ZNF737: variants seen among roughly 807,000 people sequenced by gnomAD.
ZNF737 encodes the protein zinc finger protein 737, also known as zinc finger protein 102 (Y3).
A neutral mutation model predicts 11.7 loss-of-function variants in ZNF737; 13 were observed. The ratio of observed to expected loss-of-function variants is 1.11; its 90% CI spans 0.73 to 1.77. The LOEUF (loss-of-function observed/expected upper bound fraction) is 1.77, where lower values mean the gene tolerates loss of function less well. ZNF737 is among the 40% of genes most tolerant of loss of function. The pLI is 0.00. For missense variants in ZNF737, 636 were observed against 638.0 expected, an observed-to-expected ratio of 1.00 and a Z score of 0.03; for synonymous variants, 217 against 216.2, an observed-to-expected ratio of 1.00 and a Z score of -0.03.
At chr19:20,548,089 C>A (rs1211222841) in intron 3 of ZNF737, among the ~76,000 whole-genome samples, 3 of 151,994 alleles carry the variant, frequency 2.0e-5, no homozygotes, top group African/African-American at 7.3e-5. Context: ...TTGCAGTGAG[C>A]CGAAATCGTG....
chr19:20,533,394 C>A (rs1967876899), downstream of ZNF737, among the ~76,000 whole-genome samples: 1 of 149,622 alleles, frequency 6.7e-6, no homozygotes, highest in Non-Finnish European at 1.5e-5. Context: ...AAAGATTGTT[C>A]CAGCTTCATA....
rs1310449287 is a variant in ZNF737, at chr19:20,554,729, A to C, written c.4-894T>G. Among the ~76,000 whole-genome samples the C allele has an allele frequency of 2.6e-5, 4 of 151,978 alleles. No homozygotes were observed. The East Asian group carries it at 7.7e-4, about 29-fold the overall frequency. ...TTATGCAAACCTCAAAATACAGATA[A>C]CTCCTGTGTTCTGTAATTTTTAGTA... is the stretch of plus-strand genomic sequence containing the variant. On this transcript the variant is annotated intron_variant, in intron 1 of 3. Transcript: ENST00000427401.
At position 20,541,986 on chromosome 19, in the gene ZNF737, A is replaced by C. The variant is rs1203372055; in HGVS notation, c.*2606T>G. The stretch of plus-strand genomic sequence containing the variant: ...CCCACGAATACAAATAAAAAATTTA[A>C]ATAATAAAGAGTCAAAATTTAATCT... On this transcript the variant is annotated 3_prime_UTR_variant, in exon 4 of 4. Transcript: ENST00000427401. The C allele has an allele frequency of 2.0e-6, 2 of 976,008 alleles. No homozygotes were observed. Among genetic ancestry groups the C allele is most frequent in the East Asian group, 2.3e-4 (2 of 8,752 alleles). The allele number at this position is 976,008 out of a possible 1,614,324, so 60.5% of individuals were successfully genotyped here.
At chr19:20,563,289 C>G (rs1969172953) in intron 1 of ZNF737, among the ~76,000 whole-genome samples, 1 of 148,918 alleles carries the variant, frequency 6.7e-6, no homozygotes. Context: ...GGGACATGTG[C>G]AGGGGAGGCT....
chr19:20,530,401 C>CG, the ZNF737 span, among the ~76,000 whole-genome samples: 4 of 143,718 alleles, frequency 2.8e-5, no homozygotes, highest in African/African-American at 7.8e-5. Context: ...ACTGGCCTGA[C>CG]GGGGGCTGAC....
In ZNF737 at chr19:20,543,981, A is replaced by AGC. The variant is rs1555755737; in HGVS notation, c.*609_*610dup. On this transcript the variant is annotated 3_prime_UTR_variant, in exon 4 of 4. Transcript: ENST00000427401. Reference sequence around the variant, plus strand: ...CATCTCTACTAAAAATAAAAAAATTAGCTGGGCATGTTGGAGGACACCTGT... The same window carrying AGC: ...CATCTCTACTAAAAATAAAAAAATTAGCGCTGGGCATGTTGGAGGACACCTGT... 1.6e-6 allele frequency: 1 copy of AGC among 632,332 alleles called. No individual in the cohort carries two copies. The highest frequency in any genetic ancestry group is 2.0e-5 in the African/African-American group (1 of 49,920). 39.2% of individuals were successfully genotyped at this position (632,332 alleles called of 1,614,324 possible).
chr19:20,556,884 TG>T (rs1968908930), intron 1 of ZNF737, among the ~76,000 whole-genome samples: 1 of 152,202 alleles, frequency 6.6e-6, no homozygotes, highest in Non-Finnish European at 1.5e-5. Flanking sequence ...ACACATTAGG[TG>T]ATTTAATTCT....
rs1968240902 is a variant in ZNF737 at position 20,542,280 on chromosome 19, G to A, written c.*2312C>T. On this transcript the variant is annotated 3_prime_UTR_variant, in exon 4 of 4. Transcript: ENST00000427401. Reference sequence around the variant, plus strand: ...TTTTGCTCTTGTTGCCCAGACTGGAGTGCAATCGCACAATCTTGCCCCACT... The same window carrying A: ...TTTTGCTCTTGTTGCCCAGACTGGAATGCAATCGCACAATCTTGCCCCACT... The A allele has an allele frequency of 1.3e-6, 1 of 785,236 alleles. No homozygotes were observed. The highest frequency in any genetic ancestry group is 5.8e-5 in the South Asian group (1 of 17,106). 48.6% of individuals were successfully genotyped at this position (785,236 alleles called of 1,614,324 possible).
At chr19:20,549,949 T>C (rs893493835) in intron 3 of ZNF737, among the ~76,000 whole-genome samples, 1 of 142,494 alleles carries the variant, frequency 7.0e-6, no homozygotes, top group Non-Finnish European at 1.5e-5. Context: ...AAAAAAAAAA[T>C]TCTAGATAAC....
At chr19:20,537,774 CA>C (rs1262001995), downstream of ZNF737, among the ~76,000 whole-genome samples, 3 of 152,102 alleles carry the variant, frequency 2.0e-5, no homozygotes, top group Non-Finnish European at 2.9e-5. Flanking sequence ...CTCGGCCTCC[CA>C]AAGTGCTGGG....
At position 20,541,488 on chromosome 19, in the gene ZNF737, C is replaced by T. The variant is rs1968204903; in HGVS notation, c.*3104G>A. ...TTGAGATGGAGACTCACTCTGTCAG[C>T]CAGGCTGGAGTGCAGTGGCATGATC... On this transcript the variant is annotated 3_prime_UTR_variant, in exon 4 of 4. Coordinates refer to ENST00000427401, the MANE Select transcript of ZNF737 (RefSeq NM_001159293.2). 1.2e-6 allele frequency: 1 copy of T among 841,510 alleles called. No individual in the cohort carries two copies. Among genetic ancestry groups the T allele is most frequent in the Non-Finnish European group, 1.4e-6 (1 of 699,112 alleles). The allele number at this position is 841,510 out of a possible 1,614,324, so 52.1% of individuals were successfully genotyped here. A position where few individuals can be genotyped will look rare whatever the true frequency, so the allele number is the denominator to read the frequency against.
rs1491170549 is a variant in ZNF737, at chr19:20,548,980, A to AAAAAAAAC, written c.227-3005_227-3004insGTTTTTTT. Among the ~76,000 whole-genome samples the AAAAAAAAC allele has an allele frequency of 8.0e-3, 533 of 66,470 alleles. 6 individuals are homozygous for AAAAAAAAC. Among genetic ancestry groups the AAAAAAAAC allele is most frequent in the Admixed American group, 0.011 (61 of 5,310 alleles). 43.6% of individuals were successfully genotyped at this position (66,470 alleles called of 152,430 possible). On this transcript the variant is annotated intron_variant, in intron 3 of 3. Transcript: ENST00000427401. ...AAAAACTGAAAAAAAAAAAAAAAAA[A>AAAAAAAAC]CAATTATGTATCTTTTTGAAATTTA...
Position 20,538,390 on chromosome 19 carries a change from C to T in ZNF737, c.*6202G>A, listed in dbSNP as rs2144574334. On this transcript the variant is annotated 3_prime_UTR_variant, in exon 4 of 4. Transcript: ENST00000427401. ...TTCCTCCTTCCTTTGTTCTCCTCTGCCTTTGTCTCTTTTAAAAAGTTCTAA... is the reference window on the plus strand; with the variant it reads ...TTCCTCCTTCCTTTGTTCTCCTCTGTCTTTGTCTCTTTTAAAAAGTTCTAA... 6.6e-6 allele frequency among the ~76,000 whole-genome samples: 1 copy of T among 152,282 alleles called. No individual in the cohort carries two copies. The highest frequency in any genetic ancestry group is 1.9e-4 in the East Asian group (1 of 5,180).
At chr19:20,533,755 TG>T (rs1315407272), downstream of ZNF737, among the ~76,000 whole-genome samples, 1 of 150,162 alleles carries the variant, frequency 6.7e-6, no homozygotes, top group African/African-American at 2.5e-5. Context: ...TTTACCATTT[TG>T]GGCATACCTG....
intron 1 of ZNF737, among the ~76,000 whole-genome samples, chr19:20,563,061 AT>A (rs370945814): frequency 2.8e-4 from 41 of 149,074 alleles, no homozygotes; most frequent in Non-Finnish European, 5.3e-4. Context: ...TGCTGTTGCA[AT>A]TTTTTTTGGA....
chr19:20,538,149 T>A lies in ZNF737; in HGVS notation c.*6443A>T, dbSNP rs1221946147. ...CCTAATTATGAATAGTAACTTCTCT[T>A]AGAAGCAAAGTTTATTCAAAGACCT... On this transcript the variant is annotated 3_prime_UTR_variant, in exon 4 of 4. Transcript: ENST00000427401. 1.2e-5 allele frequency: 5 copies of A among 414,682 alleles called. No individual in the cohort carries two copies. The highest frequency in any genetic ancestry group is 1.6e-5 in the Non-Finnish European group (5 of 308,470). The allele number at this position is 414,682 out of a possible 1,614,324, so 25.7% of individuals were successfully genotyped here.
rs577474228 is a variant in ZNF737, at chr19:20,543,284, G to T, written c.*1308C>A. The T allele has an allele frequency of 5.0e-5, 49 of 985,496 alleles. No individual in the cohort carries two copies. The highest frequency in any genetic ancestry group is 4.9e-4 in the Middle Eastern group (1 of 2,044). 61.0% of individuals were successfully genotyped at this position (985,496 alleles called of 1,614,324 possible). A position where few individuals can be genotyped will look rare whatever the true frequency, so the allele number is the denominator to read the frequency against. ...ATTCCCTGATGTTGAACAAACTTGA[G>T]CAACTGCTTTAGGATTTTCCTCCAG... On this transcript the variant is annotated 3_prime_UTR_variant, in exon 4 of 4. Transcript: ENST00000427401.
chr19:20,535,961 T>C (rs1351700777), downstream of ZNF737: 3 of 568,814 alleles, frequency 5.3e-6, no homozygotes, highest in Non-Finnish European at 6.7e-6. Flanking sequence ...TTCTTCAGGA[T>C]TTTTCAGGGG....
intron 1 of ZNF737, among the ~76,000 whole-genome samples, chr19:20,563,683 A>G (rs1278181873): frequency 6.6e-6 from 1 of 151,808 alleles, no homozygotes; most frequent in Non-Finnish European, 1.5e-5. Context: ...ATGGGGTTTC[A>G]TCATGTTGGG....
Sources: allele counts gnomAD v4.1 joint callset (sites outside exome capture counted in the v4.1 genomes callset), GRCh38; gene constraint gnomAD v4.1.1; transcripts MANE v1.5; gene names NCBI Gene and HGNC (gene_info 2026-07-23, HGNC 2026-07-21).